THADA: variants seen among roughly 807,000 people sequenced by gnomAD.
The protein encoded by THADA is THADA armadillo repeat containing, also known as tRNA (32-2'-O)-methyltransferase regulator THADA.
A neutral mutation model predicts 219.8 loss-of-function variants in THADA; 213 were observed. The ratio of observed to expected loss-of-function variants is 0.97; its 90% CI spans 0.87 to 1.09. The LOEUF (loss-of-function observed/expected upper bound fraction) is 1.09. THADA is among the 50% of genes least tolerant of loss of function. The pLI is 0.00. For synonymous variants in THADA, 1,018 were observed against 828.9 expected, an observed-to-expected ratio of 1.23 and a Z score of -3.92; for missense variants, 2,956 against 2,311.3, an observed-to-expected ratio of 1.28 and a Z score of -5.72.
chr2:43,386,025 C>T (rs1476384041), intron 29 of THADA, among the ~76,000 whole-genome samples: 1 of 152,038 alleles, frequency 6.6e-6, no homozygotes, highest in African/African-American at 2.4e-5. Context: ...ATTCTAAATA[C>T]CTATTCCATA....
intron 14 of THADA, among the ~76,000 whole-genome samples, chr2:43,567,610 G>C (rs1189495556): frequency 1.3e-5 from 2 of 152,122 alleles, no homozygotes; most frequent in African/African-American, 2.4e-5. Context: ...CTGGGCGAAA[G>C]AGCGAAACTC....
At chr2:43,353,036 T>C (rs766477123) in intron 29 of THADA, among the ~76,000 whole-genome samples, 58 of 152,340 alleles carry the variant, frequency 3.8e-4, no homozygotes, top group Non-Finnish European at 6.6e-4. Context: ...CTCAGCAAAG[T>C]GTCCTCCTGG....
intron 29 of THADA, among the ~76,000 whole-genome samples, chr2:43,357,845 A>T (rs1669052360): frequency 6.6e-6 from 1 of 152,204 alleles, no homozygotes; most frequent in Non-Finnish European, 1.5e-5. Context: ...TTTTACATTC[A>T]ATGTTGTATA....
At chr2:43,415,313 A>T (rs958120253) in intron 28 of THADA, among the ~76,000 whole-genome samples, 1 of 152,194 alleles carries the variant, frequency 6.6e-6, no homozygotes, top group African/African-American at 2.4e-5. Context: ...TGACCTGTCA[A>T]ATCATTTAAT....
intron 36 of THADA, among the ~76,000 whole-genome samples, chr2:43,266,564 C>T (rs1376920736): frequency 6.6e-6 from 1 of 152,188 alleles, no homozygotes; most frequent in Non-Finnish European, 1.5e-5. Flanking sequence ...GATAGCGCCA[C>T]TGCACTCCAG....
chr2:43,336,191 C>G (rs1176531967), intron 30 of THADA, among the ~76,000 whole-genome samples: 1 of 152,038 alleles, frequency 6.6e-6, no homozygotes, highest in Admixed American at 6.5e-5. Context: ...CCCAGGAGTT[C>G]AAGGCTGCAC....
intron 26 of THADA, among the ~76,000 whole-genome samples, chr2:43,462,485 C>T (rs1055316207): frequency 1.3e-5 from 2 of 152,090 alleles, no homozygotes; most frequent in African/African-American, 4.8e-5. Flanking sequence ...TTTGATGTTT[C>T]AATTTCAAAC....
Position 43,577,218 on chromosome 2 carries a change from C to T in THADA, c.841G>A (p.Val281Met), listed in dbSNP as rs775499084. 1.9e-6 allele frequency: 3 copies of T among 1,596,686 alleles called. No homozygotes were observed. The highest frequency in any genetic ancestry group is 2.3e-5 in the South Asian group (2 of 87,878). Reference sequence around the variant, plus strand: ...CACTCGGGGACACTGGTGCAGTCCACTGAACGAAGCAGCACACTGCTAATC... The same window carrying T: ...CACTCGGGGACACTGGTGCAGTCCATTGAACGAAGCAGCACACTGCTAATC... Reference protein sequence around the residue: ...HLISSVLLRSVDCTSVPEWFM... With the variant: ...HLISSVLLRSMDCTSVPEWFM... The change falls in exon 10 of 38, where the codon GTG (valine) becomes ATG (methionine). Residue 281 changes from valine (V) to methionine (M), a missense_variant. By Grantham distance (21) the Val-to-Met change is conservative. Coordinates refer to ENST00000405975, the MANE Select transcript of THADA (RefSeq NM_022065.5).
At chr2:43,321,963 A>C (rs998588588) in intron 30 of THADA, among the ~76,000 whole-genome samples, 1 of 152,200 alleles carries the variant, frequency 6.6e-6, no homozygotes, top group Non-Finnish European at 1.5e-5. Flanking sequence ...CAATTTCCTT[A>C]AAGTTTATTC....
Position 43,381,714 on chromosome 2 carries a change from G to C in THADA, c.4227+16257C>G, listed in dbSNP as rs556329214. ...TTCTGTCAGCCTCCTGAGTGGCTGA[G>C]ATTACAGGTGTGTGCCACCACGCCC... On this transcript the variant is annotated intron_variant, in intron 29 of 37. Coordinates refer to ENST00000405975, the MANE Select transcript of THADA (RefSeq NM_022065.5). Among the ~76,000 whole-genome samples the C allele has an allele frequency of 3.3e-5, 5 of 152,084 alleles. No homozygotes were observed. In the South Asian group the frequency reaches 1.0e-3, roughly 32 times the overall value.
At chr2:43,523,495 T>C (rs999251893) in intron 22 of THADA, among the ~76,000 whole-genome samples, 1 of 152,234 alleles carries the variant, frequency 6.6e-6, no homozygotes, top group East Asian at 1.9e-4. Context: ...GCATATTCTT[T>C]AGAGACTTGG....
intron 26 of THADA, among the ~76,000 whole-genome samples, chr2:43,431,550 C>G (rs1438490462): frequency 2.0e-5 from 3 of 151,892 alleles, no homozygotes; most frequent in African/African-American, 4.8e-5. Flanking sequence ...ACTGCAACCT[C>G]CATCTCCTGG....
chr2:43,363,604 A>G (rs1669771056), intron 29 of THADA, among the ~76,000 whole-genome samples: 1 of 152,202 alleles, frequency 6.6e-6, no homozygotes, highest in African/African-American at 2.4e-5. Context: ...TTTGGTTATC[A>G]CTGGTCATTT....
chr2:43,384,012 C>G (rs1323488389), intron 29 of THADA, among the ~76,000 whole-genome samples: 12 of 152,226 alleles, frequency 7.9e-5, no homozygotes, highest in Non-Finnish European at 1.5e-4. Context: ...AGGCTACCCC[C>G]CTACCCCAGC....
intron 25 of THADA, among the ~76,000 whole-genome samples, chr2:43,489,871 C>T (rs1180681298): frequency 2.3e-5 from 2 of 87,892 alleles, no homozygotes; most frequent in African/African-American, 6.9e-5. Context: ...ATTTTAAGAT[C>T]TGCAAAAAAA....
chr2:43,586,756 C>G (rs1057076453), intron 5 of THADA, 22 bp from the exon 6 acceptor site: 1 of 1,611,776 alleles, frequency 6.2e-7, no homozygotes, highest in African/African-American at 1.3e-5. Flanking sequence ...AAAATGAACA[C>G]TGGTAAGGAG....
At chr2:43,485,389 T>C in intron 25 of THADA, 64 bp from the exon 26 acceptor site, 1 of 1,140,354 alleles carries the variant, frequency 8.8e-7, no homozygotes, top group Admixed American at 1.8e-5. Flanking sequence ...ACGTTTACAA[T>C]GTTCAAACTA....
At chr2:43,334,144 G>A (rs1370806956) in intron 30 of THADA, among the ~76,000 whole-genome samples, 1 of 152,134 alleles carries the variant, frequency 6.6e-6, no homozygotes. Flanking sequence ...AGGCCCTTCA[G>A]GAGCACACCA....
At chr2:43,477,710 T>C (rs1446866404) in intron 26 of THADA, among the ~76,000 whole-genome samples, 1 of 152,244 alleles carries the variant, frequency 6.6e-6, no homozygotes, top group East Asian at 1.9e-4. Context: ...ACATGTCTGT[T>C]TTCCACACTC....
Sources: allele counts gnomAD v4.1 joint callset (sites outside exome capture counted in the v4.1 genomes callset), GRCh38; gene constraint gnomAD v4.1.1; transcripts MANE v1.5; gene names NCBI Gene and HGNC (gene_info 2026-07-23, HGNC 2026-07-21).